SGTB: variants seen among roughly 807,000 people sequenced by gnomAD.
SGTB encodes the protein small glutamine-rich tetratricopeptide repeat-containing protein beta.
SGTB carries 19 observed loss-of-function variants against 43.9 expected under a neutral mutation model. The ratio of observed to expected loss-of-function variants is 0.43; its 90% confidence interval spans 0.30 to 0.63. SGTB has a LOEUF of 0.63. Among genes scored for constraint, SGTB ranks in the 30% least tolerant of loss-of-function variants. SGTB has a pLI of 0.12. For missense variants in SGTB, 304 were observed against 358.9 expected (o/e 0.85, Z 1.24); for synonymous variants, 116 against 117.3 (o/e 0.99, Z 0.07).
At position 65,680,636 on chromosome 5, in the gene SGTB, A is replaced by G. The variant is rs376567475; in HGVS notation, c.618+20T>C. On this transcript the variant is annotated intron_variant, in intron 7 of 10. Coordinates refer to ENST00000381007, the MANE Select transcript of SGTB (RefSeq NM_019072.3). ...GTGAATGACAGAAAATACTTCACTC[A>G]TTTGGCATTAACAACTTACAGGACT... 17 of 1,613,796 alleles carry G rather than the reference A, an allele frequency of 1.1e-5. No homozygotes were observed. In the African/African-American group the frequency reaches 1.6e-4, roughly 15 times the overall value.
chr5:65,672,753 A>G (rs1390131458), intron 8 of SGTB, among the ~76,000 whole-genome samples: 1 of 152,218 alleles, frequency 6.6e-6, no homozygotes, highest in Non-Finnish European at 1.5e-5. Context: ...TCTATTTTGA[A>G]AGCATCACAT....
chr5:65,673,158 A>T (rs566101996), intron 8 of SGTB, among the ~76,000 whole-genome samples: 16 of 152,348 alleles, frequency 1.1e-4, no homozygotes, highest in Admixed American at 7.2e-4. Context: ...TTCAGTAAGC[A>T]ATCCTCCTGT....
At position 65,712,375 on chromosome 5, in the gene SGTB, T is replaced by C. The variant is rs545059261; in HGVS notation, c.204+586A>G. Among the ~76,000 whole-genome samples the C allele has an allele frequency of 3.2e-4, 48 of 152,224 alleles. 1 individual carries two copies. The highest frequency in any genetic ancestry group is 1.3e-4 in the Admixed American group (2 of 15,284). ...TCAGACAGTCTTATGGTCTGTTTCC[T>C]GAAAAGGCCAGAAACCCAAGACCAT... is the stretch of plus-strand genomic sequence containing the variant. On this transcript the variant is annotated intron_variant, in intron 3 of 10. Coordinates refer to ENST00000381007, the MANE Select transcript of SGTB (RefSeq NM_019072.3).
intron 5 of SGTB, among the ~76,000 whole-genome samples, chr5:65,698,196 A>G (rs1451501673): frequency 1.3e-5 from 2 of 152,218 alleles, no homozygotes; most frequent in Non-Finnish European, 2.9e-5. Flanking sequence ...GTATTTGTCA[A>G]AACTCCATGA....
rs1248526552 is a variant in SGTB at position 65,670,051 on chromosome 5, G to C, written c.*195C>G. The C allele has an allele frequency of 3.9e-6, 2 of 509,016 alleles. No homozygotes were observed. Among genetic ancestry groups the C allele is most frequent in the Non-Finnish European group, 6.9e-6 (2 of 289,032 alleles). 31.5% of individuals were successfully genotyped at this position (509,016 alleles called of 1,614,324 possible). A position where few individuals can be genotyped will look rare whatever the true frequency, so the allele number is the denominator to read the frequency against. On this transcript the variant is annotated 3_prime_UTR_variant, in exon 11 of 11. Transcript: ENST00000381007. ...TTCAAAAGGAGTCATGTTATGTTTT[G>C]AGTTTGTTTGTGATAAACCTATTGT...
chr5:65,679,525 G>A (rs999485241), intron 8 of SGTB, among the ~76,000 whole-genome samples: 1 of 152,092 alleles, frequency 6.6e-6, no homozygotes, highest in Non-Finnish European at 1.5e-5. Flanking sequence ...GCTGAGGCAG[G>A]AGATTCGCTT....
At chr5:65,685,015 G>C (rs540856726) in intron 6 of SGTB, among the ~76,000 whole-genome samples, 1 of 152,200 alleles carries the variant, frequency 6.6e-6, no homozygotes, top group Non-Finnish European at 1.5e-5. Flanking sequence ...TCACCAGAGA[G>C]GGGGTAGTGG....
At chr5:65,689,905 T>A (rs1579865253) in intron 5 of SGTB, among the ~76,000 whole-genome samples, 1 of 151,660 alleles carries the variant, frequency 6.6e-6, no homozygotes. Context: ...TGCTTCAGTT[T>A]AAAAAAAATT....
chr5:65,706,710 T>C (rs562063365), intron 4 of SGTB, among the ~76,000 whole-genome samples: 89 of 152,086 alleles, frequency 5.9e-4, no homozygotes, highest in Admixed American at 1.1e-3. Flanking sequence ...CACATGCCTG[T>C]AGTCCCAGCT....
At chr5:65,705,864 C>T (rs998726282) in intron 4 of SGTB, among the ~76,000 whole-genome samples, 10 of 125,894 alleles carry the variant, frequency 7.9e-5, no homozygotes, top group Admixed American at 8.3e-5. Context: ...CCTATCTCTA[C>T]AAAAAAAAAA....
At position 65,714,526 on chromosome 5, in the gene SGTB, C is replaced by T. The variant is rs574259267; in HGVS notation, c.101-1462G>A. ...GTGAGGGATTATGTTTGAAGTCTGTCGTTGGAGGCCAGGTTCGGTGGCTCA... is the reference window on the plus strand; with the variant it reads ...GTGAGGGATTATGTTTGAAGTCTGTTGTTGGAGGCCAGGTTCGGTGGCTCA... On this transcript the variant is annotated intron_variant, in intron 2 of 10. Transcript: ENST00000381007. Among the ~76,000 whole-genome samples, 9 of 152,160 alleles carry T rather than the reference C, an allele frequency of 5.9e-5. 1 individual carries two copies. Among genetic ancestry groups the T allele is most frequent in the East Asian group, 5.8e-4 (3 of 5,180 alleles).
At chr5:65,709,903 T>G (rs1006142853) in intron 3 of SGTB, among the ~76,000 whole-genome samples, 1 of 152,224 alleles carries the variant, frequency 6.6e-6, no homozygotes, top group Non-Finnish European at 1.5e-5. Flanking sequence ...CCCAGCCCTA[T>G]GTACTGTAGT....
At chr5:65,671,206 T>C (rs1757147366) in intron 10 of SGTB, among the ~76,000 whole-genome samples, 1 of 152,204 alleles carries the variant, frequency 6.6e-6, no homozygotes. Flanking sequence ...GCTGAAAAAC[T>C]TCCTGGATCT....
chr5:65,716,210 TAGGCAAG>T (rs1449918591), intron 2 of SGTB, among the ~76,000 whole-genome samples: 5 of 152,182 alleles, frequency 3.3e-5, no homozygotes, highest in Non-Finnish European at 7.3e-5. Context: ...CAAAAGCCCT[TAGGCAAG>T]AGGATATGGT....
At position 65,666,561 on chromosome 5, in the gene SGTB, ACAAG is replaced by A. The variant is rs956368661; in HGVS notation, c.*3681_*3684del. ...GTTAGATAGCAACTATATTTCCCAGACAAGCAAGAAAATATATGGGGCATTTTTT... is the reference window on the plus strand; with the variant it reads ...GTTAGATAGCAACTATATTTCCCAGACAAGAAAATATATGGGGCATTTTTT... On this transcript the variant is annotated 3_prime_UTR_variant, in exon 11 of 11. Coordinates refer to ENST00000381007, the MANE Select transcript of SGTB (RefSeq NM_019072.3). 7.2e-5 allele frequency: 11 copies of A among 152,182 alleles called. No individual in the cohort carries two copies. The highest frequency in any genetic ancestry group is 1.3e-4 in the Non-Finnish European group (9 of 67,994). The allele number at this position is 152,182 out of a possible 1,614,324, so 9.4% of individuals were successfully genotyped here.
rs1394770668 is a variant in SGTB, at chr5:65,667,730, A to C, written c.*2516T>G. On this transcript the variant is annotated 3_prime_UTR_variant, in exon 11 of 11. Transcript: ENST00000381007. ...TTAGAGTCCTTGGATCTGTATCAAA[A>C]CCACCTAGTGTACTGTTTAAAAATG... 1 of 152,108 alleles carries C rather than the reference A, an allele frequency of 6.6e-6. No individual in the cohort carries two copies. 9.4% of individuals were successfully genotyped at this position (152,108 alleles called of 1,614,324 possible).
At chr5:65,698,850 A>G (rs1757760156) in intron 5 of SGTB, among the ~76,000 whole-genome samples, 2 of 152,206 alleles carry the variant, frequency 1.3e-5, no homozygotes, top group Admixed American at 6.5e-5. Flanking sequence ...TACTCTTGCA[A>G]GAATGGCCAT....
intron 8 of SGTB, among the ~76,000 whole-genome samples, chr5:65,675,716 C>T (rs1385003273): frequency 1.3e-5 from 2 of 152,238 alleles, no homozygotes; most frequent in East Asian, 1.9e-4. Flanking sequence ...GAATTTCCAA[C>T]CCAGAATTTC....
Position 65,667,069 on chromosome 5 carries a change from T to G in SGTB, c.*3177A>C, listed in dbSNP as rs1179460258. Reference sequence around the variant, plus strand: ...TTTTCTTTACTGGAAGGTTTTTAACTTAACCACAAACTCAATTTCCTTAAT... The same window carrying G: ...TTTTCTTTACTGGAAGGTTTTTAACGTAACCACAAACTCAATTTCCTTAAT... On this transcript the variant is annotated 3_prime_UTR_variant, in exon 11 of 11. Transcript: ENST00000381007. The G allele has an allele frequency of 6.6e-6, 1 of 152,222 alleles. No individual in the cohort carries two copies. Among genetic ancestry groups the G allele is most frequent in the Non-Finnish European group, 1.5e-5 (1 of 68,016 alleles). The allele number at this position is 152,222 out of a possible 1,614,324, so 9.4% of individuals were successfully genotyped here. A position where few individuals can be genotyped will look rare whatever the true frequency, so the allele number is the denominator to read the frequency against.
Sources: gnomAD v4.1 joint callset for allele counts (sites outside exome capture counted in the v4.1 genomes callset) on GRCh38, gnomAD v4.1.1 for gene constraint, MANE v1.5 for transcripts, NCBI Gene and HGNC (gene_info 2026-07-23, HGNC 2026-07-21) for gene names.